TMOD3: variants seen among roughly 807,000 people sequenced by gnomAD.
TMOD3 encodes tropomodulin 3.
A neutral mutation model predicts 39.2 loss-of-function variants in TMOD3; 20 were observed. The observed-to-expected ratio is 0.51, with a 90% confidence interval of 0.36 to 0.74. TMOD3 has a LOEUF of 0.74. TMOD3 is among the 30% of genes least tolerant of loss of function. The pLI is 0.00. For missense variants in TMOD3, 381 were observed against 412.8 expected (o/e 0.92, Z 0.67); for synonymous variants, 143 against 145.8 (o/e 0.98, Z 0.14).
At chr15:51,859,283 G>A (rs375987231) in intron 1 of TMOD3, 18 of 736,414 alleles carry the variant, frequency 2.4e-5, no homozygotes, top group East Asian at 1.3e-4. Context: ...TCTGTCTGCA[G>A]TTTTCAGGTC....
At chr15:51,831,573 A>G (rs932646389) in intron 1 of TMOD3, among the ~76,000 whole-genome samples, 9 of 152,190 alleles carry the variant, frequency 5.9e-5, no homozygotes, top group African/African-American at 1.9e-4. Context: ...TTTAATAGCA[A>G]TTTAAATACT....
At chr15:51,858,924 C>G (rs2056402061) in intron 1 of TMOD3, among the ~76,000 whole-genome samples, 1 of 152,190 alleles carries the variant, frequency 6.6e-6, no homozygotes, top group South Asian at 2.1e-4. Context: ...ATAATCCCAG[C>G]TACTCGGGAG....
chr15:51,845,592 C>A (rs970542555), intron 1 of TMOD3, among the ~76,000 whole-genome samples: 1 of 151,922 alleles, frequency 6.6e-6, no homozygotes, highest in African/African-American at 2.4e-5. Flanking sequence ...CTCATCTCTA[C>A]AAAAAATTTA....
intron 9 of TMOD3, chr15:51,907,354 A>G (rs545030461): frequency 1.3e-4 from 20 of 152,348 alleles, no homozygotes; most frequent in African/African-American, 4.8e-4. Flanking sequence ...AGTCAGGCGA[A>G]CTTAATTAGA....
At chr15:51,841,427 C>G (rs192911513) in intron 1 of TMOD3, among the ~76,000 whole-genome samples, 3 of 152,176 alleles carry the variant, frequency 2.0e-5, no homozygotes, top group Non-Finnish European at 4.4e-5. Context: ...GCAACCTCCT[C>G]TCTTTTCCTG....
At chr15:51,882,576 C>G (rs891133189) in intron 3 of TMOD3, among the ~76,000 whole-genome samples, 1 of 152,162 alleles carries the variant, frequency 6.6e-6, no homozygotes, top group African/African-American at 2.4e-5. Context: ...AAACACTGTT[C>G]TTTCTCCATT....
At chr15:51,860,055 A>G (rs1422664405) in intron 1 of TMOD3, 17 of 528,224 alleles carry the variant, frequency 3.2e-5, no homozygotes, top group Non-Finnish European at 5.3e-5. Flanking sequence ...ACGGCACAGC[A>G]TCTGTCCTCC....
At chr15:51,889,686 G>A (rs971701737) in intron 5 of TMOD3, among the ~76,000 whole-genome samples, 4 of 152,060 alleles carry the variant, frequency 2.6e-5, no homozygotes, top group African/African-American at 7.2e-5. Context: ...CATTGGAAAC[G>A]TAGACCCCCA....
intron 3 of TMOD3, chr15:51,884,751 G>A (rs953708405): frequency 1.3e-5 from 2 of 152,166 alleles, no homozygotes; most frequent in Admixed American, 1.3e-4. Context: ...TCTTGAGACT[G>A]TGAAGGCCTA....
rs546873416 is a variant in TMOD3 at position 51,890,902 on chromosome 15, T to C, written c.496+1757T>C. On this transcript the variant is annotated intron_variant, in intron 5 of 9. Transcript: ENST00000308580. Reference sequence around the variant, plus strand: ...TGTTTTTAACATTTGCCAGCCTTGTTTTATTCATCTTCTGTCTCCCTTCCT... The same window carrying C: ...TGTTTTTAACATTTGCCAGCCTTGTCTTATTCATCTTCTGTCTCCCTTCCT... Among the ~76,000 whole-genome samples, 4 of 152,344 alleles carry C rather than the reference T, an allele frequency of 2.6e-5. No homozygotes were observed. The East Asian group carries it at 7.7e-4, about 29-fold the overall frequency.
chr15:51,885,659 G>A (rs993600907), intron 3 of TMOD3, among the ~76,000 whole-genome samples: 8 of 152,296 alleles, frequency 5.3e-5, no homozygotes, highest in Non-Finnish European at 1.0e-4. Context: ...TCCCAGTACA[G>A]AACAAAATGG....
At chr15:51,849,802 C>G (rs1447256015) in intron 1 of TMOD3, among the ~76,000 whole-genome samples, 2 of 152,080 alleles carry the variant, frequency 1.3e-5, no homozygotes, top group Non-Finnish European at 2.9e-5. Flanking sequence ...GGCATGGTGG[C>G]TCACACCTGT....
chr15:51,836,081 AC>A (rs2056281383), intron 1 of TMOD3, among the ~76,000 whole-genome samples: 1 of 152,210 alleles, frequency 6.6e-6, no homozygotes, highest in Non-Finnish European at 1.5e-5. Context: ...GAAATGCAGG[AC>A]AACTTTGGTT....
chr15:51,859,618 G>C (rs1241449665), intron 1 of TMOD3: 3 of 546,778 alleles, frequency 5.5e-6, no homozygotes, highest in Non-Finnish European at 1.1e-5. Flanking sequence ...GTGTCTTCTT[G>C]GCTTTTGGCA....
chr15:51,899,130 C>T (rs2056636275), intron 7 of TMOD3: 1 of 152,146 alleles, frequency 6.6e-6, no homozygotes, highest in Admixed American at 6.6e-5. Flanking sequence ...TCTTTTGGCC[C>T]CTGCCTTGGA....
At chr15:51,895,635 C>G (rs1326439732) in intron 6 of TMOD3, among the ~76,000 whole-genome samples, 2 of 152,008 alleles carry the variant, frequency 1.3e-5, no homozygotes, top group Non-Finnish European at 2.9e-5. Context: ...CTGAGAGAAA[C>G]CAGCATCTTC....
intron 1 of TMOD3, chr15:51,859,545 TC>T: frequency 3.2e-6 from 2 of 619,534 alleles, no homozygotes; most frequent in South Asian, 2.7e-5. Flanking sequence ...CAGGTACTTA[TC>T]CTTCAGGGTT....
rs1327050662 is a variant in TMOD3 at position 51,911,048 on chromosome 15, C to G, written c.*2238C>G. 6.6e-6 allele frequency: 1 copy of G among 151,960 alleles called. No homozygotes were observed. Among genetic ancestry groups the G allele is most frequent in the Admixed American group, 6.6e-5 (1 of 15,234 alleles). 9.4% of individuals were successfully genotyped at this position (151,960 alleles called of 1,614,324 possible). On this transcript the variant is annotated 3_prime_UTR_variant, in exon 10 of 10. Transcript: ENST00000308580. The stretch of plus-strand genomic sequence containing the variant: ...TGTACTTGATTTTATAGAGACTGCA[C>G]AGTTCCAGCAAGATTGGGAGTCAGG...
chr15:51,869,099 G>C, intron 2 of TMOD3, 118 bp from the exon 3 acceptor site: 1 of 1,061,936 alleles, frequency 9.4e-7, no homozygotes, highest in Non-Finnish European at 1.4e-6. Context: ...CTGCAATGAA[G>C]TGTTTAGTGC....
Sources: allele counts gnomAD v4.1 joint callset (sites outside exome capture counted in the v4.1 genomes callset), GRCh38; gene constraint gnomAD v4.1.1; transcripts MANE v1.5; gene names NCBI Gene and HGNC (gene_info 2026-07-23, HGNC 2026-07-21).